Variants in CLDN10 observed in about 807,000 individuals in gnomAD.
CLDN10 encodes claudin 10.
CLDN10 carries 15 observed loss-of-function variants against 22.9 expected under a neutral mutation model. The ratio of observed to expected loss-of-function variants is 0.65; its 90% confidence interval spans 0.44 to 1.01. The LOEUF (loss-of-function observed/expected upper bound fraction) is 1.01, where lower values mean the gene tolerates loss of function less well. Ranked by LOEUF, CLDN10 falls within the 50% of genes least tolerant of loss-of-function variation. The probability of loss-of-function intolerance (pLI) is 0.00; values close to 1 mark genes in which losing one functional copy is unlikely to be tolerated. For synonymous variants in CLDN10, 114 were observed against 111.4 expected (o/e 1.02, Z -0.15); for missense variants, 247 against 287.8 (o/e 0.86, Z 1.03).
intron 1 of CLDN10, among the ~76,000 whole-genome samples, chr13:95,436,349 A>G (rs146003058): frequency 6.6e-6 from 1 of 152,176 alleles, no homozygotes; most frequent in East Asian, 1.9e-4. Context: ...ACACTTGGCT[A>G]ATTTTTAAAG....
At chr13:95,456,833 C>T (rs2042486507) in intron 1 of CLDN10, among the ~76,000 whole-genome samples, 1 of 152,150 alleles carries the variant, frequency 6.6e-6, no homozygotes. Context: ...AGGCATTTTG[C>T]TTTGTTTGTA....
intron 1 of CLDN10, among the ~76,000 whole-genome samples, chr13:95,514,308 A>T (rs1035376685): frequency 1.3e-5 from 2 of 152,124 alleles, no homozygotes; most frequent in Non-Finnish European, 2.9e-5. Context: ...TTGACTTCAG[A>T]CTGATAGCTA....
At chr13:95,552,995 G>A (rs778064352) in intron 1 of CLDN10, 22 bp downstream of exon 1, 3 of 1,611,246 alleles carry the variant, frequency 1.9e-6, no homozygotes, top group East Asian at 4.5e-5. Flanking sequence ...CGCGGCCCCC[G>A]CCCTCAGCCC....
chr13:95,562,120 C>T (rs2043721934), intron 3 of CLDN10, among the ~76,000 whole-genome samples: 1 of 150,370 alleles, frequency 6.7e-6, no homozygotes, highest in Non-Finnish European at 1.5e-5. Context: ...TTAGTAGGGA[C>T]AGGGCTTCAC....
intron 1 of CLDN10, chr13:95,497,068 T>C (rs1183404340): frequency 2.0e-5 from 3 of 151,818 alleles, no homozygotes; most frequent in Admixed American, 2.0e-4. Context: ...CCTCATAGAG[T>C]TGTTGTGAAG....
intron 1 of CLDN10, among the ~76,000 whole-genome samples, chr13:95,515,637 A>G (rs2043156106): frequency 1.3e-5 from 2 of 152,154 alleles, no homozygotes; most frequent in South Asian, 2.1e-4. Flanking sequence ...TTCACCTCAG[A>G]GCTCACCTTC....
intron 1 of CLDN10, among the ~76,000 whole-genome samples, chr13:95,461,399 C>A (rs760052358): frequency 1.4e-4 from 21 of 152,144 alleles, no homozygotes; most frequent in Non-Finnish European, 2.4e-4. Flanking sequence ...CTTCTTGAGG[C>A]CTTTATTTAT....
At chr13:95,452,300 G>A (rs183610932) in intron 1 of CLDN10, among the ~76,000 whole-genome samples, 21 of 152,242 alleles carry the variant, frequency 1.4e-4, no homozygotes, top group Non-Finnish European at 2.9e-4. Context: ...TTCCCTTTGG[G>A]TAGTAAGAAA....
At chr13:95,559,182 T>A (rs1342779791) in intron 1 of CLDN10, among the ~76,000 whole-genome samples, 1 of 152,218 alleles carries the variant, frequency 6.6e-6, no homozygotes, top group East Asian at 1.9e-4. Flanking sequence ...CTACTATCAC[T>A]ATTTTAGATC....
Position 95,484,688 on chromosome 13 carries a change from CAAA to C in CLDN10, c.214+50657_214+50659del, listed in dbSNP as rs144818972. On this transcript the variant is annotated intron_variant, in intron 1 of 4. Transcript: ENST00000376873. ...CGAAACCCCGTCTCTACTAAAAATACAAAAAAAAAAAAAAAAAACCCACAAAAA... is the reference window on the plus strand; with the variant it reads ...CGAAACCCCGTCTCTACTAAAAATACAAAAAAAAAAAAAAACCCACAAAAA... Among the ~76,000 whole-genome samples the C allele has an allele frequency of 3.5e-3, 439 of 124,472 alleles. 6 individuals are homozygous for C. Among genetic ancestry groups the C allele is most frequent in the South Asian group, 0.012 (46 of 3,794 alleles). The allele number at this position is 124,472 out of a possible 152,430, so 81.7% of individuals were successfully genotyped here.
chr13:95,579,330 A>C lies in CLDN10; in HGVS notation c.*1316A>C, dbSNP rs2043982620. ...AAAAAAGACACAGGCTTCTTCCTAG[A>C]GCCAGCCCTATATAACATGCCCACA... On this transcript the variant is annotated 3_prime_UTR_variant, in exon 5 of 5. Coordinates refer to ENST00000299339, the MANE Select transcript of CLDN10 (RefSeq NM_006984.5). 6.6e-6 allele frequency: 1 copy of C among 152,234 alleles called. No individual in the cohort carries two copies. The highest frequency in any genetic ancestry group is 1.5e-5 in the Non-Finnish European group (1 of 68,054). The allele number at this position is 152,234 out of a possible 1,614,324, so 9.4% of individuals were successfully genotyped here.
chr13:95,441,078 A>C (rs1442595450), intron 1 of CLDN10, among the ~76,000 whole-genome samples: 7 of 152,232 alleles, frequency 4.6e-5, no homozygotes, highest in African/African-American at 1.4e-4. Context: ...CTGGCTTAGA[A>C]GGCACTCAAC....
intron 1 of CLDN10, among the ~76,000 whole-genome samples, chr13:95,451,782 A>G (rs1455266156): frequency 6.6e-6 from 1 of 152,156 alleles, no homozygotes; most frequent in Non-Finnish European, 1.5e-5. Flanking sequence ...GTTACTGCAG[A>G]ACCATTTGTT....
intron 1 of CLDN10, among the ~76,000 whole-genome samples, chr13:95,499,231 AT>A (rs1359528830): frequency 2.0e-5 from 3 of 152,168 alleles, no homozygotes; most frequent in Non-Finnish European, 2.9e-5. Context: ...CCCTTTTCTG[AT>A]TAGCCAGCAT....
chr13:95,477,076 T>C (rs2042691846), intron 1 of CLDN10, among the ~76,000 whole-genome samples: 3 of 152,138 alleles, frequency 2.0e-5, no homozygotes, highest in Non-Finnish European at 2.9e-5. Flanking sequence ...TTTATTCAGC[T>C]TTGGTGAGGC....
intron 1 of CLDN10, among the ~76,000 whole-genome samples, chr13:95,472,547 G>A (rs1464538874): frequency 1.3e-5 from 2 of 151,908 alleles, no homozygotes; most frequent in Non-Finnish European, 2.9e-5. Flanking sequence ...GTGTGTGCCT[G>A]TAATCCCAGG....
intron 1 of CLDN10, among the ~76,000 whole-genome samples, chr13:95,445,330 T>C (rs116291976): frequency 0.011 from 1,608 of 152,318 alleles, 30 homozygotes; most frequent in African/African-American, 0.036. Flanking sequence ...AAGGGACCTT[T>C]AAGCCCTACA....
At chr13:95,469,701 T>C (rs2042612325) in intron 1 of CLDN10, among the ~76,000 whole-genome samples, 1 of 152,230 alleles carries the variant, frequency 6.6e-6, no homozygotes, top group Admixed American at 6.5e-5. Context: ...CGGATCATCA[T>C]GAGCCCAGGA....
chr13:95,518,091 C>T (rs937272872), intron 1 of CLDN10, among the ~76,000 whole-genome samples: 1 of 152,142 alleles, frequency 6.6e-6, no homozygotes, highest in Non-Finnish European at 1.5e-5. Flanking sequence ...CTGGGACAAG[C>T]AACTTAACAT....
Sources: allele counts gnomAD v4.1 joint callset (sites outside exome capture counted in the v4.1 genomes callset), GRCh38; gene constraint gnomAD v4.1.1; transcripts MANE v1.5; gene names NCBI Gene and HGNC (gene_info 2026-07-23, HGNC 2026-07-21).